Variants in HTT observed in about 807,000 individuals in gnomAD.
HTT encodes huntington disease protein.
A neutral mutation model predicts 362.3 loss-of-function variants in HTT; 104 were observed. The observed-to-expected ratio is 0.29, with a 90% CI of 0.24 to 0.34. The LOEUF (loss-of-function observed/expected upper bound fraction) is 0.34. Ranked by LOEUF, HTT falls within the 10% of genes least tolerant of loss-of-function variation. The pLI, the probability that HTT is intolerant of heterozygous loss-of-function variation, is 1.00. For missense variants in HTT, 3,301 were observed against 3,928.6 expected, an observed-to-expected ratio of 0.84 and a Z score of 4.27; for synonymous variants, 1,577 against 1,548.7, an observed-to-expected ratio of 1.02 and a Z score of -0.43.
At chr4:3,209,798 G>A (rs748396021) in intron 46 of HTT, 29 bp from the exon 47 acceptor site, 1 of 1,611,950 alleles carries the variant, frequency 6.2e-7, no homozygotes, top group South Asian at 1.1e-5. Context: ...CGCCCATCAT[G>A]TTCCCCTTAT....
At position 3,207,308 on chromosome 4, in the gene HTT, G is replaced by A; in HGVS notation, c.6103G>A (p.Glu2035Lys). Residue 2035 changes from glutamate (E) to lysine (K), a missense_variant, in exon 45 of 67, where the codon GAA becomes AAA. Physicochemically the swap from Glu to Lys is moderately conservative, Grantham distance 56. Around this residue, in one of 4 missense-constraint regions of HTT, gnomAD observed 2,316 missense variants for 2,658.5 expected, o/e 0.87. Transcript: ENST00000355072. The part of the protein sequence containing the change: ...QSSMAQLPME[E>K]LNRIQEYLQS... ...CAGCATGGCCCAGTTGCCAATGGAA[G>A]AACTCAACAGAATCCAGGAATACCT... 1 of 1,613,904 alleles carries A rather than the reference G, an allele frequency of 6.2e-7. No homozygotes were observed. Among genetic ancestry groups the A allele is most frequent in the Non-Finnish European group, 8.5e-7 (1 of 1,179,918 alleles).
chr4:3,075,411 C>A (rs1394230211), intron 1 of HTT, among the ~76,000 whole-genome samples: 1 of 152,184 alleles, frequency 6.6e-6, no homozygotes, highest in Non-Finnish European at 1.5e-5. Flanking sequence ...AGAGTTGGGG[C>A]GAGAACTTGT....
At chr4:3,150,005 T>C (rs899665749) in intron 26 of HTT, among the ~76,000 whole-genome samples, 23 of 152,180 alleles carry the variant, frequency 1.5e-4, no homozygotes, top group African/African-American at 5.3e-4. Flanking sequence ...ATCTTGAGTG[T>C]CCTCTTCAGT....
intron 21 of HTT, among the ~76,000 whole-genome samples, chr4:3,139,397 C>T (rs1433839673): frequency 1.3e-5 from 2 of 152,106 alleles, no homozygotes; most frequent in Non-Finnish European, 2.9e-5. Context: ...GGGGTTTTGC[C>T]ATGTTGGCCG....
rs539666776 is a variant in HTT, at chr4:3,222,367, T to G, written c.7370-20T>G. ...CTTGAGAAGGGTTGACACTCTCTCA[T>G]GTAACATTTATATTTCTAGGCTGGA... On this transcript the variant is annotated intron_variant, in intron 53 of 66. Coordinates refer to ENST00000355072, the MANE Select transcript of HTT (RefSeq NM_001388492.1). 27 of 1,602,070 alleles carry G rather than the reference T, an allele frequency of 1.7e-5. No individual in the cohort carries two copies. In the South Asian group the frequency reaches 2.5e-4, roughly 15 times the overall value.
chr4:3,133,433 C>T (rs756005292), intron 18 of HTT, among the ~76,000 whole-genome samples: 1 of 150,928 alleles, frequency 6.6e-6, no homozygotes, highest in Non-Finnish European at 1.5e-5. Context: ...GAGATCAAGG[C>T]TGCAGTAAGG....
In HTT at chr4:3,132,751, C is replaced by A. The variant is rs543235518; in HGVS notation, c.2395+31C>A. 2.3e-4 allele frequency: 379 copies of A among 1,613,644 alleles called. 1 individual carries two copies. The highest frequency in any genetic ancestry group is 8.2e-4 in the South Asian group (75 of 91,076). Reference sequence around the variant, plus strand: ...GGCCAGTTTTTCAGCTGTGTTTTTTCTAGTTATGCTTACTAAGGTTTAAGT... The same window carrying A: ...GGCCAGTTTTTCAGCTGTGTTTTTTATAGTTATGCTTACTAAGGTTTAAGT... On this transcript the variant is annotated intron_variant, in intron 17 of 66. Transcript: ENST00000355072.
At position 3,217,898 on chromosome 4, in the gene HTT, C is replaced by T. The variant is rs1208569751; in HGVS notation, c.7188C>T (p.Ile2396=). 6.2e-7 allele frequency: 1 copy of T among 1,614,066 alleles called. No homozygotes were observed. Among genetic ancestry groups the T allele is most frequent in the South Asian group, 1.1e-5 (1 of 91,070 alleles). Residue 2396 remains isoleucine (I), a synonymous_variant, in exon 52 of 67, where the codon ATC becomes ATT. Coordinates refer to ENST00000355072, the MANE Select transcript of HTT (RefSeq NM_001388492.1). ...TCACGCCATTGCTAAGGAACATCATCATCAGCCTGGCCCGCCTGCCCCTTG... is the reference window on the plus strand; with the variant it reads ...TCACGCCATTGCTAAGGAACATCATTATCAGCCTGGCCCGCCTGCCCCTTG... ...AFLTPLLRNI[I]ISLARLPLVN...
In HTT at chr4:3,099,136, T is replaced by G. The variant is rs897141333; in HGVS notation, c.348-138T>G. 11 of 595,274 alleles carry G rather than the reference T, an allele frequency of 1.8e-5. No individual in the cohort carries two copies. The African/African-American group carries it at 2.0e-4, about 11-fold the overall frequency. 36.9% of individuals were successfully genotyped at this position (595,274 alleles called of 1,614,324 possible). On this transcript the variant is annotated intron_variant, in intron 2 of 66. Transcript: ENST00000355072. ...ATGCTATTAACTTAAGTCCAGACTT[T>G]ATTCAGATTTTCTTAATTTCTATGT...
In HTT at chr4:3,240,318, A is replaced by G. The variant is rs189003905; in HGVS notation, c.*259A>G. 1.9e-6 allele frequency: 1 copy of G among 540,296 alleles called. No individual in the cohort carries two copies. The highest frequency in any genetic ancestry group is 3.3e-6 in the Non-Finnish European group (1 of 301,362). The allele number at this position is 540,296 out of a possible 1,614,324, so 33.5% of individuals were successfully genotyped here. On this transcript the variant is annotated 3_prime_UTR_variant, in exon 67 of 67. Transcript: ENST00000355072. ...AGCAGGAGCAGCTGTGCTGCACCCC[A>G]TGTGGGTGACCAGGTCCTTTCTCCT...
In HTT at chr4:3,127,257, T is replaced by C. The variant is rs772573247; in HGVS notation, c.1403-7T>C. 6.2e-7 allele frequency: 1 copy of C among 1,602,484 alleles called. No individual in the cohort carries two copies. ...CATTTGACAAATGAGTGTTTCTCTG[T>C]CTTCAGCCTCAGTGAAGGATGAGAT... On this transcript the variant is annotated splice_polypyrimidine_tract_variant and splice_region_variant and intron_variant, in intron 11 of 66. Coordinates refer to ENST00000355072, the MANE Select transcript of HTT (RefSeq NM_001388492.1).
chr4:3,099,183 A>C lies in HTT; in HGVS notation c.348-91A>C, dbSNP rs1053963976. 13 of 810,052 alleles carry C rather than the reference A, an allele frequency of 1.6e-5. No homozygotes were observed. In the Admixed American group the frequency reaches 1.8e-4, roughly 11 times the overall value. The allele number at this position is 810,052 out of a possible 1,614,324, so 50.2% of individuals were successfully genotyped here. On this transcript the variant is annotated intron_variant, in intron 2 of 66. Coordinates refer to ENST00000355072, the MANE Select transcript of HTT (RefSeq NM_001388492.1). Reference sequence around the variant, plus strand: ...ATGTAATGTCCTTTTTCTGTTCCAGAATTCCATGCAGGACACCGGATACCT... The same window carrying C: ...ATGTAATGTCCTTTTTCTGTTCCAGCATTCCATGCAGGACACCGGATACCT...
At chr4:3,129,784 G>A in intron 12 of HTT, 140 bp from the exon 13 acceptor site, 2 of 976,248 alleles carry the variant, frequency 2.0e-6, no homozygotes, top group South Asian at 2.9e-5. Flanking sequence ...GCATTTCTGT[G>A]CCTTGAAATA....
At position 3,074,809 on chromosome 4, in the gene HTT, C is replaced by T; in HGVS notation, c.-17C>T. 1 of 1,511,502 alleles carries T rather than the reference C, an allele frequency of 6.6e-7. No homozygotes were observed. The allele number at this position is 1,511,502 out of a possible 1,614,324, so 93.6% of individuals were successfully genotyped here. ...CCCGAGGCCTCCGGGGACTGCCGTG[C>T]CGGGCGGGAGACCGCCATGGCGACC... On this transcript the variant is annotated 5_prime_UTR_variant, in exon 1 of 67. Transcript: ENST00000355072.
intron 6 of HTT, among the ~76,000 whole-genome samples, chr4:3,109,759 G>A (rs187941234): frequency 6.6e-6 from 1 of 152,182 alleles, no homozygotes; most frequent in Admixed American, 6.5e-5. Flanking sequence ...GGAGGAGGAG[G>A]ACAGATGAAG....
chr4:3,075,555 C>T (rs1034371715), intron 1 of HTT, among the ~76,000 whole-genome samples: 1 of 149,506 alleles, frequency 6.7e-6, no homozygotes, highest in South Asian at 2.1e-4. Flanking sequence ...GGGCGCGGGA[C>T]ACTTCGAGAG....
At chr4:3,136,080 A>G (rs2110193338) in intron 20 of HTT, 113 bp downstream of exon 20, 4 of 914,320 alleles carry the variant, frequency 4.4e-6, no homozygotes, top group Non-Finnish European at 6.8e-6. Context: ...TTTATTTCAC[A>G]GTTTATATCA....
At chr4:3,096,742 T>A (rs1389270362) in intron 2 of HTT, among the ~76,000 whole-genome samples, 1 of 152,222 alleles carries the variant, frequency 6.6e-6, no homozygotes, top group Non-Finnish European at 1.5e-5. Context: ...ATTAAATGCC[T>A]GTTTTAGGAA....
At chr4:3,196,992 G>T (rs1487714091) in intron 40 of HTT, among the ~76,000 whole-genome samples, 1 of 152,046 alleles carries the variant, frequency 6.6e-6, no homozygotes, top group Non-Finnish European at 1.5e-5. Flanking sequence ...CCTGCCTCTT[G>T]CCCTCTTTAC....
Sources: gnomAD v4.1 joint callset for allele counts (sites outside exome capture counted in the v4.1 genomes callset) on GRCh38, gnomAD v4.1.1 for gene constraint, gnomAD v4.1.1 regional missense constraint, MANE v1.5 for transcripts, NCBI Gene and HGNC (gene_info 2026-07-23, HGNC 2026-07-21) for gene names.